MKX: variants seen among roughly 807,000 people sequenced by gnomAD.
The protein encoded by MKX is homeobox protein Mohawk.
A neutral mutation model predicts 36.0 loss-of-function variants in MKX; 13 were observed. That is an observed-to-expected ratio of 0.36 (90% CI 0.24 to 0.57). The LOEUF is 0.57. Ranked by LOEUF, MKX falls within the 20% of genes least tolerant of loss-of-function variation. The probability of loss-of-function intolerance (pLI) is 0.79; values close to 1 mark genes in which losing one functional copy is unlikely to be tolerated. For synonymous variants in MKX, 176 were observed against 178.3 expected (o/e 0.99, Z 0.10); for missense variants, 458 against 456.4 (o/e 1.00, Z -0.03).
chr10:27,682,116 A>G (rs1172656977), intron 5 of MKX, among the ~76,000 whole-genome samples: 4 of 152,142 alleles, frequency 2.6e-5, no homozygotes, highest in Admixed American at 2.6e-4. Flanking sequence ...GGCCTAGGTT[A>G]ATGTGTGTGT....
At chr10:27,722,529 C>T (rs1456226553) in intron 5 of MKX, among the ~76,000 whole-genome samples, 1 of 152,204 alleles carries the variant, frequency 6.6e-6, no homozygotes, top group East Asian at 1.9e-4. Context: ...AAGGGACTTG[C>T]CTTAAAACAC....
chr10:27,691,582 G>T (rs1836454799), intron 5 of MKX, among the ~76,000 whole-genome samples: 1 of 152,008 alleles, frequency 6.6e-6, no homozygotes, highest in Non-Finnish European at 1.5e-5. Flanking sequence ...AAATTCAGGA[G>T]GTACATATGC....
chr10:27,726,787 C>T (rs183215193), intron 5 of MKX, among the ~76,000 whole-genome samples: 2 of 151,384 alleles, frequency 1.3e-5, no homozygotes, highest in African/African-American at 2.4e-5. Flanking sequence ...TATTCAGGAC[C>T]CTTCCTCTTG....
intron 5 of MKX, among the ~76,000 whole-genome samples, chr10:27,728,273 T>A (rs1834537818): frequency 6.6e-6 from 1 of 152,222 alleles, no homozygotes; most frequent in African/African-American, 2.4e-5. Flanking sequence ...AAACCGTGCG[T>A]GTGCACCGAG....
intron 5 of MKX, among the ~76,000 whole-genome samples, chr10:27,723,177 C>G (rs1457452989): frequency 6.6e-6 from 1 of 151,918 alleles, no homozygotes; most frequent in East Asian, 1.9e-4. Context: ...ACAAAATTTT[C>G]TGAAAGAAAA....
At chr10:27,675,576 C>A in intron 5 of MKX, 22 bp from the exon 6 acceptor site, 3 of 1,609,536 alleles carry the variant, frequency 1.9e-6, no homozygotes, top group African/African-American at 2.7e-5. Flanking sequence ...AGCAAAAATT[C>A]AATTATTTTT....
chr10:27,681,687 G>C (rs572591857), intron 5 of MKX, among the ~76,000 whole-genome samples: 4 of 152,098 alleles, frequency 2.6e-5, no homozygotes, highest in African/African-American at 9.7e-5. Flanking sequence ...TTGGGAGGCC[G>C]AGGTGGGGAA....
chr10:27,688,279 T>C (rs765551058), intron 5 of MKX, among the ~76,000 whole-genome samples: 2 of 152,144 alleles, frequency 1.3e-5, no homozygotes, highest in Non-Finnish European at 2.9e-5. Flanking sequence ...CCAGAAAAAT[T>C]AGTGTTATTC....
At chr10:27,718,589 G>C in intron 5 of MKX, 1 of 445,072 alleles carries the variant, frequency 2.2e-6, no homozygotes. Context: ...AAGAACCTAA[G>C]TTTTCCACTG....
chr10:27,714,222 A>T (rs1301582899), intron 5 of MKX, among the ~76,000 whole-genome samples: 2 of 152,182 alleles, frequency 1.3e-5, no homozygotes, highest in Non-Finnish European at 2.9e-5. Flanking sequence ...TCTGGCACTG[A>T]GAAATCTAAC....
At chr10:27,696,509 T>TGTTA (rs1327272583) in intron 5 of MKX, among the ~76,000 whole-genome samples, 1 of 152,156 alleles carries the variant, frequency 6.6e-6, no homozygotes, top group Non-Finnish European at 1.5e-5. Context: ...AGGGCAGTTA[T>TGTTA]GTTATGTCTA....
intron 3 of MKX, among the ~76,000 whole-genome samples, chr10:27,740,841 C>G (rs939724373): frequency 6.6e-6 from 1 of 152,190 alleles, no homozygotes; most frequent in Non-Finnish European, 1.5e-5. Flanking sequence ...ATCCCCTACT[C>G]CTAGCTGTCA....
At chr10:27,680,092 AGTTGG>A (rs1836226318) in intron 5 of MKX, among the ~76,000 whole-genome samples, 1 of 152,178 alleles carries the variant, frequency 6.6e-6, no homozygotes, top group Non-Finnish European at 1.5e-5. Flanking sequence ...GGAAAATGCA[AGTTGG>A]AGCTAGCTCC....
At chr10:27,728,694 G>A (rs969253415) in intron 5 of MKX, among the ~76,000 whole-genome samples, 1 of 152,182 alleles carries the variant, frequency 6.6e-6, no homozygotes, top group African/African-American at 2.4e-5. Flanking sequence ...AGCCCACGCA[G>A]ATCCAATGGT....
chr10:27,727,216 C>T (rs1391475141), intron 5 of MKX, among the ~76,000 whole-genome samples: 1 of 152,180 alleles, frequency 6.6e-6, no homozygotes, highest in Non-Finnish European at 1.5e-5. Flanking sequence ...CTCATACTTT[C>T]GATTTGTTTA....
At chr10:27,678,629 C>A (rs1564341734) in intron 5 of MKX, among the ~76,000 whole-genome samples, 1 of 152,086 alleles carries the variant, frequency 6.6e-6, no homozygotes, top group Non-Finnish European at 1.5e-5. Context: ...GTTGCAGAAC[C>A]CGTCAATGTA....
chr10:27,688,635 G>A (rs1836400273), intron 5 of MKX, among the ~76,000 whole-genome samples: 1 of 152,218 alleles, frequency 6.6e-6, no homozygotes, highest in Non-Finnish European at 1.5e-5. Context: ...AATAACTTCT[G>A]TGTGTGCTTG....
chr10:27,682,702 C>A (rs1012697868), intron 5 of MKX, among the ~76,000 whole-genome samples: 1 of 151,460 alleles, frequency 6.6e-6, no homozygotes, highest in Admixed American at 6.6e-5. Flanking sequence ...CACAACTGAC[C>A]AGGCGCAGTG....
At chr10:27,722,187 C>T (rs1295153914) in intron 5 of MKX, among the ~76,000 whole-genome samples, 5 of 152,168 alleles carry the variant, frequency 3.3e-5, no homozygotes, top group South Asian at 2.1e-4. Flanking sequence ...GATGTAAACA[C>T]GTGACATCTA....
Sources: allele counts gnomAD v4.1 joint callset (sites outside exome capture counted in the v4.1 genomes callset), GRCh38; gene constraint gnomAD v4.1.1; transcripts MANE v1.5; gene names NCBI Gene and HGNC (gene_info 2026-07-23, HGNC 2026-07-21).